Variants in ASTN2 observed in about 807,000 individuals in gnomAD.
ASTN2 encodes astrotactin 2.
ASTN2 carries 54 observed loss-of-function variants against 139.8 expected under a neutral mutation model. That is an observed-to-expected ratio of 0.39 (90% CI 0.31 to 0.48). ASTN2 has a LOEUF of 0.48. Ranked by LOEUF, ASTN2 falls within the 20% of genes least tolerant of loss-of-function variation. The pLI is 0.95. For missense variants in ASTN2, 1,565 were observed against 1,725.1 expected (o/e 0.91, Z 1.64); for synonymous variants, 756 against 719.5 (o/e 1.05, Z -0.81).
At chr9:116,841,641 G>A (rs1391294723) in intron 11 of ASTN2, among the ~76,000 whole-genome samples, 5 of 152,290 alleles carry the variant, frequency 3.3e-5, no homozygotes, top group Non-Finnish European at 5.9e-5. Context: ...TGTGAATGAA[G>A]TCTGACTGAG....
At chr9:117,091,568 G>T (rs1004508198) in intron 5 of ASTN2, among the ~76,000 whole-genome samples, 1 of 149,224 alleles carries the variant, frequency 6.7e-6, no homozygotes, top group African/African-American at 2.4e-5. Flanking sequence ...GAGGTCTCAC[G>T]TGATGGGGGG....
At chr9:117,063,175 G>A (rs1839342046) in intron 5 of ASTN2, among the ~76,000 whole-genome samples, 2 of 152,170 alleles carry the variant, frequency 1.3e-5, no homozygotes. Context: ...ATGGTAATAT[G>A]TTAACTAGAG....
At chr9:117,050,133 C>T (rs1838872576) in intron 5 of ASTN2, among the ~76,000 whole-genome samples, 1 of 152,060 alleles carries the variant, frequency 6.6e-6, no homozygotes, top group South Asian at 2.1e-4. Flanking sequence ...CCACATTCAG[C>T]CCACACCACC....
intron 2 of ASTN2, among the ~76,000 whole-genome samples, chr9:117,241,937 C>T (rs1833222792): frequency 6.7e-6 from 1 of 149,438 alleles, no homozygotes. Context: ...CCCCCCCACA[C>T]ACACACACAC....
chr9:117,296,612 A>C (rs972586926), intron 1 of ASTN2, among the ~76,000 whole-genome samples: 1 of 152,258 alleles, frequency 6.6e-6, no homozygotes, highest in African/African-American at 2.4e-5. Context: ...GACTAAATGC[A>C]TTGGGTCAGG....
chr9:116,599,047 T>C (rs1439785177), intron 19 of ASTN2, among the ~76,000 whole-genome samples: 5 of 152,242 alleles, frequency 3.3e-5, no homozygotes, highest in African/African-American at 9.6e-5. Context: ...CACATTCAAA[T>C]ACCTTCAGAG....
At chr9:117,146,018 T>C (rs1037838805) in intron 3 of ASTN2, among the ~76,000 whole-genome samples, 4 of 152,172 alleles carry the variant, frequency 2.6e-5, no homozygotes, top group Non-Finnish European at 5.9e-5. Flanking sequence ...TCCATCTGTT[T>C]GGCTGCTCTT....
At chr9:116,984,888 G>A (rs1836633338) in intron 7 of ASTN2, among the ~76,000 whole-genome samples, 1 of 152,062 alleles carries the variant, frequency 6.6e-6, no homozygotes, top group African/African-American at 2.4e-5. Flanking sequence ...AATATATTCT[G>A]GTCTGGTTTC....
At chr9:116,614,871 A>G (rs1290178465) in intron 19 of ASTN2, among the ~76,000 whole-genome samples, 2 of 152,200 alleles carry the variant, frequency 1.3e-5, no homozygotes, top group Non-Finnish European at 2.9e-5. Flanking sequence ...AAATTGACAA[A>G]TGGGATCTAA....
At position 116,815,804 on chromosome 9, in the gene ASTN2, C is replaced by CAAAAAAAAAAAAAAAAAAAAA. The variant is rs55954354; in HGVS notation, c.2207+4792_2207+4812dup. Among the ~76,000 whole-genome samples the CAAAAAAAAAAAAAAAAAAAAA allele has an allele frequency of 5.0e-4, 12 of 24,104 alleles. 2 individuals carry two copies. Among genetic ancestry groups the CAAAAAAAAAAAAAAAAAAAAA allele is most frequent in the Admixed American group, 8.7e-4 (1 of 1,152 alleles). 15.8% of individuals were successfully genotyped at this position (24,104 alleles called of 152,430 possible). A position where few individuals can be genotyped will look rare whatever the true frequency, so the allele number is the denominator to read the frequency against. Reference sequence around the variant, plus strand: ...TGGGCAACAGAGCGAGACTCCGTCTCAAAAAAAAAAAAAAAAAAAAAAAAG... The same window carrying CAAAAAAAAAAAAAAAAAAAAA: ...TGGGCAACAGAGCGAGACTCCGTCTCAAAAAAAAAAAAAAAAAAAAAAAAAAAAAAAAAAAAAAAAAAAAAG... On this transcript the variant is annotated intron_variant, in intron 12 of 22. Transcript: ENST00000313400.
intron 17 of ASTN2, among the ~76,000 whole-genome samples, chr9:116,637,508 T>C (rs535477585): frequency 2.0e-4 from 30 of 152,336 alleles, no homozygotes; most frequent in Non-Finnish European, 3.8e-4. Flanking sequence ...AAAAGTAGTA[T>C]TTAAACCCTC....
chr9:117,164,195 A>G (rs1335728885), intron 3 of ASTN2, among the ~76,000 whole-genome samples: 1 of 152,104 alleles, frequency 6.6e-6, no homozygotes, highest in African/African-American at 2.4e-5. Flanking sequence ...AACCTTCAAA[A>G]TCATGATTTT....
chr9:116,442,836 G>T (rs1044196001), intron 20 of ASTN2, among the ~76,000 whole-genome samples: 2 of 152,152 alleles, frequency 1.3e-5, no homozygotes, highest in African/African-American at 2.4e-5. Context: ...CAGAATGGGG[G>T]TATTGAACTC....
At chr9:116,465,197 C>T (rs149386299) in intron 20 of ASTN2, among the ~76,000 whole-genome samples, 147 of 152,334 alleles carry the variant, frequency 9.6e-4, no homozygotes, top group African/African-American at 3.4e-3. Context: ...TTCACTACAG[C>T]CAGCAGGTTT....
intron 1 of ASTN2, among the ~76,000 whole-genome samples, chr9:117,325,313 C>T (rs1188767876): frequency 1.3e-5 from 2 of 152,134 alleles, no homozygotes; most frequent in African/African-American, 4.8e-5. Flanking sequence ...ACAGGCTCAC[C>T]TCTCAGTTTC....
chr9:116,673,737 T>G (rs2131995578), intron 16 of ASTN2, among the ~76,000 whole-genome samples: 1 of 152,068 alleles, frequency 6.6e-6, no homozygotes, highest in Non-Finnish European at 1.5e-5. Context: ...CTCTAGAAGT[T>G]TTGGAGAGAA....
chr9:116,553,875 G>A (rs1852467791), intron 19 of ASTN2, among the ~76,000 whole-genome samples: 1 of 152,214 alleles, frequency 6.6e-6, no homozygotes, highest in South Asian at 2.1e-4. Context: ...TGCTATGGAA[G>A]GACAAGATAT....
At position 117,365,467 on chromosome 9, in the gene ASTN2, C is replaced by T. The variant is rs114496865; in HGVS notation, c.442+49030G>A. 3.1e-3 allele frequency among the ~76,000 whole-genome samples: 478 copies of T among 152,210 alleles called. 3 individuals carry two copies. Among genetic ancestry groups the T allele is most frequent in the African/African-American group, 0.011 (467 of 41,526 alleles). On this transcript the variant is annotated intron_variant, in intron 1 of 22. Transcript: ENST00000313400. ...GCAGGGTGTCTCAGCTCGTCATTGTCTCAAAATGACCCAGGCTGATGGGGC... is the reference window on the plus strand; with the variant it reads ...GCAGGGTGTCTCAGCTCGTCATTGTTTCAAAATGACCCAGGCTGATGGGGC...
chr9:116,893,990 C>T (rs1307318045), intron 10 of ASTN2, among the ~76,000 whole-genome samples: 2 of 152,164 alleles, frequency 1.3e-5, no homozygotes, highest in African/African-American at 4.8e-5. Flanking sequence ...CACACAATGG[C>T]CTGGGTGTTT....
Sources: gnomAD v4.1 joint callset for allele counts (sites outside exome capture counted in the v4.1 genomes callset) on GRCh38, gnomAD v4.1.1 for gene constraint, MANE v1.5 for transcripts, NCBI Gene and HGNC (gene_info 2026-07-23, HGNC 2026-07-21) for gene names.